DMD: variants seen among roughly 807,000 people sequenced by gnomAD.
The protein encoded by DMD is dystrophin, also known as mutant dystrophin.
DMD carries 63 observed loss-of-function variants against 330.1 expected under a neutral mutation model. That is an observed-to-expected ratio of 0.19 (90% CI 0.16 to 0.24). DMD has a LOEUF of 0.24. Ranked by LOEUF, DMD falls within the 10% of genes least tolerant of loss-of-function variation. The pLI is 1.00. For missense variants in DMD, 3,344 were observed against 2,684.1 expected (o/e 1.25, Z -5.43); for synonymous variants, 1,223 against 959.8 (o/e 1.27, Z -5.07).
intron 44 of DMD, among the ~76,000 whole-genome samples, chrX:32,012,312 A>C (rs775470275): frequency 5.3e-5 from 6 of 112,231 alleles, no homozygotes; most frequent in African/African-American, 1.6e-4. Context: ...AACTCTGAGC[A>C]TGACAAAGAA....
rs1225615433 is a variant in DMD at position 31,169,544 on chromosome X, G to C, written c.10452C>G (p.Pro3484=). ...HYCQSLNQDS[P]LSQPRSPAQI... is the part of the protein sequence containing the mutation. ...GGGCAGGACTACGAGGCTGGCTCAG[G>C]GGGGAGTCCTGGTTCAAACTTTGGC... Residue 3484 remains proline, a synonymous_variant, in exon 74 of 79, where the codon CCC becomes CCG. Transcript: ENST00000357033. The C allele has an allele frequency of 1.7e-6, 2 of 1,204,997 alleles. No homozygotes were observed. Among genetic ancestry groups the C allele is most frequent in the Non-Finnish European group, 2.2e-6 (2 of 890,666 alleles).
At chrX:32,105,611 C>T (rs1357264210) in intron 44 of DMD, among the ~76,000 whole-genome samples, 1 of 111,676 alleles carries the variant, frequency 9.0e-6, no homozygotes, top group Non-Finnish European at 1.9e-5. Flanking sequence ...GTTTAATATG[C>T]ATTATTATTC....
At chrX:31,971,966 T>G (rs1369843420) in intron 44 of DMD, among the ~76,000 whole-genome samples, 1 of 111,758 alleles carries the variant, frequency 8.9e-6, no homozygotes, top group East Asian at 2.8e-4. Flanking sequence ...GCTTATTGTG[T>G]TTTGATTCCA....
chrX:33,244,921 T>C (rs951116078), intron 1 of DMD, among the ~76,000 whole-genome samples: 1 of 111,958 alleles, frequency 8.9e-6, no homozygotes, highest in Non-Finnish European at 1.9e-5. Flanking sequence ...TGAAACAAAT[T>C]ATCAGCATTT....
At chrX:31,908,480 A>C (rs1180485687) in intron 47 of DMD, among the ~76,000 whole-genome samples, 1 of 108,227 alleles carries the variant, frequency 9.2e-6, no homozygotes, top group Non-Finnish European at 1.9e-5. Context: ...AGAAAACCAA[A>C]CACCGCATGT....
At chrX:32,594,069 AAAG>A (rs1446888175) in intron 13 of DMD, among the ~76,000 whole-genome samples, 2 of 112,796 alleles carry the variant, frequency 1.8e-5, no homozygotes, top group African/African-American at 6.4e-5. Flanking sequence ...AACCTTTTCC[AAAG>A]AAGACTCTAA....
intron 74 of DMD, among the ~76,000 whole-genome samples, chrX:31,167,714 A>C (rs2039564845): frequency 8.9e-6 from 1 of 112,300 alleles, no homozygotes; most frequent in African/African-American, 3.2e-5. Context: ...AAATAAAGCT[A>C]TCATTAAAAC....
intron 61 of DMD, among the ~76,000 whole-genome samples, chrX:31,337,836 C>A (rs756071768): frequency 8.9e-6 from 1 of 112,143 alleles, no homozygotes; most frequent in East Asian, 2.8e-4. Flanking sequence ...TTTGTCTCAT[C>A]TCTTCCATGC....
At chrX:31,614,615 G>A (rs778951300) in intron 55 of DMD, among the ~76,000 whole-genome samples, 4 of 111,585 alleles carry the variant, frequency 3.6e-5, no homozygotes, top group Non-Finnish European at 5.7e-5. Context: ...ATCTCCAGTG[G>A]GAAATGATTT....
chrX:33,251,349 G>A (rs1270269353), intron 1 of DMD, among the ~76,000 whole-genome samples: 2 of 111,419 alleles, frequency 1.8e-5, no homozygotes, highest in Non-Finnish European at 3.8e-5. Flanking sequence ...TGCCCATCCA[G>A]TTTCCTCCTC....
intron 61 of DMD, among the ~76,000 whole-genome samples, chrX:31,338,904 CAT>C (rs2057555542): frequency 1.5e-5 from 1 of 64,925 alleles, no homozygotes; most frequent in African/African-American, 6.0e-5. Flanking sequence ...ATCCAAATAA[CAT>C]AGATAAATTA....
intron 7 of DMD, among the ~76,000 whole-genome samples, chrX:32,800,859 T>G (rs759052121): frequency 9.0e-6 from 1 of 111,272 alleles, no homozygotes; most frequent in African/African-American, 3.3e-5. Flanking sequence ...TTCATCCACA[T>G]CCCTGCAAAG....
chrX:31,806,308 C>T (rs2092290255), intron 50 of DMD, among the ~76,000 whole-genome samples: 1 of 111,903 alleles, frequency 8.9e-6, no homozygotes, highest in African/African-American at 3.2e-5. Flanking sequence ...AATTCTTGTT[C>T]TCACTACTGT....
chrX:33,326,924 A>C (rs765203798), intron 1 of DMD, among the ~76,000 whole-genome samples: 1 of 111,450 alleles, frequency 9.0e-6, no homozygotes, highest in South Asian at 3.8e-4. Context: ...AATTAGTTAC[A>C]TGGCTCTCTA....
At chrX:31,348,671 CT>C (rs770393838) in intron 60 of DMD, 37 bp from the exon 61 acceptor site, 173 of 1,076,473 alleles carry the variant, frequency 1.6e-4, no homozygotes, top group Non-Finnish European at 1.8e-4. Flanking sequence ...TTCTCTCATT[CT>C]ATATAATGAG....
At chrX:32,498,724 G>A (rs942418910) in intron 19 of DMD, among the ~76,000 whole-genome samples, 20 of 111,657 alleles carry the variant, frequency 1.8e-4, no homozygotes, top group Admixed American at 3.8e-4. Context: ...AAAATACAGT[G>A]AAAATAAAAA....
intron 44 of DMD, among the ~76,000 whole-genome samples, chrX:32,129,276 G>A (rs981741408): frequency 4.5e-5 from 5 of 111,514 alleles, no homozygotes; most frequent in African/African-American, 1.6e-4. Context: ...GAATGAGGCA[G>A]TGTCATGCAT....
At chrX:32,820,985 A>G (rs1397991481) in intron 5 of DMD, among the ~76,000 whole-genome samples, 1 of 110,984 alleles carries the variant, frequency 9.0e-6, no homozygotes, top group Non-Finnish European at 1.9e-5. Flanking sequence ...GTTTGGGGAG[A>G]GATGCGGTAT....
At chrX:32,926,390 G>A (rs1408176833) in intron 2 of DMD, among the ~76,000 whole-genome samples, 1 of 111,992 alleles carries the variant, frequency 8.9e-6, no homozygotes, top group Non-Finnish European at 1.9e-5. Flanking sequence ...TGTACATGTT[G>A]ATTCTACAGG....
Sources: gnomAD v4.1 joint callset for allele counts (sites outside exome capture counted in the v4.1 genomes callset) on GRCh38, gnomAD v4.1.1 for gene constraint, MANE v1.5 for transcripts, NCBI Gene and HGNC (gene_info 2026-07-23, HGNC 2026-07-21) for gene names.